Variants in CDKN2B-AS1 observed in about 807,000 individuals in gnomAD.
CDKN2B-AS1 encodes CDKN2B antisense RNA 1 (non-protein coding).
intron 4 of CDKN2B-AS1, among the ~76,000 whole-genome samples, chr9:22,111,742 G>T (rs551770420): frequency 6.6e-6 from 1 of 152,132 alleles, no homozygotes; most frequent in African/African-American, 2.4e-5. Flanking sequence ...AAAGAAATTC[G>T]AAAGTAGATA....
chr9:22,029,613 AC>A (rs1443173244), intron 1 of CDKN2B-AS1: 3 of 679,400 alleles, frequency 4.4e-6, no homozygotes, highest in African/African-American at 3.5e-5. Context: ...TGTTTGGGAA[AC>A]CATCATCTTT....
At chr9:22,109,156 G>A (rs1825737782) in intron 4 of CDKN2B-AS1, among the ~76,000 whole-genome samples, 1 of 152,188 alleles carries the variant, frequency 6.6e-6, no homozygotes, top group African/African-American at 2.4e-5. Context: ...AGGAATGAAA[G>A]TGTTTTGCAG....
intron 1 of CDKN2B-AS1, among the ~76,000 whole-genome samples, chr9:22,045,187 G>A (rs1563943493): frequency 6.6e-6 from 1 of 151,768 alleles, no homozygotes; most frequent in Non-Finnish European, 1.5e-5. Flanking sequence ...TGAGTATCAT[G>A]ATAAGGTAAA....
chr9:22,043,410 A>G (rs1478161323), intron 1 of CDKN2B-AS1, among the ~76,000 whole-genome samples: 1 of 151,894 alleles, frequency 6.6e-6, no homozygotes, highest in East Asian at 1.9e-4. Context: ...ATCAAAATCT[A>G]TTCACACACA....
chr9:22,002,793 C>T (rs957064306), intron 1 of CDKN2B-AS1: 1 of 168,524 alleles, frequency 5.9e-6, no homozygotes, highest in Non-Finnish European at 1.3e-5. Context: ...TAATTTTAAC[C>T]ATTTAAGGCA....
chr9:22,003,734 G>C (rs1162174170), intron 1 of CDKN2B-AS1: 1 of 231,574 alleles, frequency 4.3e-6, no homozygotes, highest in East Asian at 6.1e-5. Flanking sequence ...AAAAATTTGG[G>C]TTTTTATAGG....
Position 22,111,778 on chromosome 9 carries a change from T to C in CDKN2B-AS1, n.439-15325T>C, listed in dbSNP as rs1396107339. Among the ~76,000 whole-genome samples the C allele has an allele frequency of 2.6e-5, 4 of 152,158 alleles. No homozygotes were observed. In the East Asian group the frequency reaches 7.7e-4, roughly 29 times the overall value. On this transcript the variant is annotated intron_variant and non_coding_transcript_variant, in intron 4 of 4. Transcript: ENST00000650946. The stretch of plus-strand genomic sequence containing the variant: ...ATAAGTGAGACAAGCACCCAGTAAA[T>C]GTTTATGATGTGACACTGACAAATT...
At chr9:22,128,006 C>T (rs183880050) in exon 5 of CDKN2B-AS1, among the ~76,000 whole-genome samples, 71 of 152,166 alleles carry the variant, frequency 4.7e-4, no homozygotes, top group African/African-American at 1.5e-3. Context: ...TGTCTCATTC[C>T]GCTCATCTGG....
chr9:22,100,917 T>A (rs1004025590), intron 4 of CDKN2B-AS1, among the ~76,000 whole-genome samples: 2 of 152,180 alleles, frequency 1.3e-5, no homozygotes, highest in Non-Finnish European at 2.9e-5. Flanking sequence ...TCGGACATCT[T>A]TCAAGTGCTT....
intron 4 of CDKN2B-AS1, among the ~76,000 whole-genome samples, chr9:22,077,226 A>G (rs566019358): frequency 6.6e-6 from 1 of 152,254 alleles, no homozygotes; most frequent in East Asian, 1.9e-4. Flanking sequence ...TTTACTTAAT[A>G]TAATTTAAAT....
At chr9:22,034,719 C>G (rs745321108) in intron 1 of CDKN2B-AS1, among the ~76,000 whole-genome samples, 2 of 152,062 alleles carry the variant, frequency 1.3e-5, no homozygotes, top group Non-Finnish European at 1.5e-5. Flanking sequence ...TAGCTTGTTT[C>G]GCTTTTGAGG....
chr9:22,126,574 C>CTT (rs34700018), intron 4 of CDKN2B-AS1, among the ~76,000 whole-genome samples: 4,654 of 104,780 alleles, frequency 0.044, 301 homozygotes, highest in Middle Eastern at 0.06. Context: ...TAAGTGGATT[C>CTT]TTTTTTTTTT....
chr9:22,031,297 C>T (rs1587428989), intron 1 of CDKN2B-AS1, among the ~76,000 whole-genome samples: 1 of 152,150 alleles, frequency 6.6e-6, no homozygotes, highest in South Asian at 2.1e-4. Context: ...AGTCCATATA[C>T]CACCCATAAT....
At chr9:22,110,360 G>A (rs1006177388) in intron 4 of CDKN2B-AS1, among the ~76,000 whole-genome samples, 3 of 152,122 alleles carry the variant, frequency 2.0e-5, no homozygotes, top group Admixed American at 1.3e-4. Flanking sequence ...GATGAGTAAA[G>A]TTTGAAAACC....
intron 1 of CDKN2B-AS1, among the ~76,000 whole-genome samples, chr9:22,031,632 A>C (rs1407700670): frequency 6.6e-6 from 1 of 152,228 alleles, no homozygotes; most frequent in Non-Finnish European, 1.5e-5. Context: ...CAATATGAAA[A>C]AAAATAAAAG....
At position 22,005,909 on chromosome 9, in the gene CDKN2B-AS1, C is replaced by G; in HGVS notation, n.29+10748C>G. On this transcript the variant is annotated intron_variant and non_coding_transcript_variant, in intron 1 of 4. Transcript: ENST00000650946. This position sits in a 1 kb window ranked among gnomAD's most constrained non-coding sequence, Gnocchi z 4.9. ...CTTTCCGCCGCTCCCCGTTGGCAGCCTTCATCGAATTAGGTGGGTGGGGGT... is the reference window on the plus strand; with the variant it reads ...CTTTCCGCCGCTCCCCGTTGGCAGCGTTCATCGAATTAGGTGGGTGGGGGT... 6.4e-7 allele frequency: 1 copy of G among 1,556,292 alleles called. No individual in the cohort carries two copies. The highest frequency in any genetic ancestry group is 8.7e-7 in the Non-Finnish European group (1 of 1,154,590).
intron 4 of CDKN2B-AS1, among the ~76,000 whole-genome samples, chr9:22,087,978 T>A (rs578073543): frequency 6.6e-6 from 1 of 152,342 alleles, no homozygotes; most frequent in Admixed American, 6.5e-5. Context: ...GGGAGTGTTA[T>A]AGAAGTGGTA....
chr9:22,051,300 G>A (rs1214755190), intron 3 of CDKN2B-AS1, among the ~76,000 whole-genome samples: 4 of 152,098 alleles, frequency 2.6e-5, no homozygotes, highest in Non-Finnish European at 5.9e-5. Flanking sequence ...TTTCCAACTA[G>A]TGTGTAGTTT....
At position 22,006,288 on chromosome 9, in the gene CDKN2B-AS1, A is replaced by T. The variant is rs1821185876; in HGVS notation, n.29+11127A>T. ...GAGTGGTCAGAGCCAGGGTGGGGGC[A>T]GGTATGGGAGATGCCGGCCGGGGCA... On this transcript the variant is annotated intron_variant and non_coding_transcript_variant, in intron 1 of 4. Coordinates refer to ENST00000650946, the Ensembl canonical transcript of CDKN2B-AS1. The surrounding 1 kb of genome is among the most constrained non-coding windows in gnomAD (Gnocchi z 6.4). 13 of 1,599,182 alleles carry T rather than the reference A, an allele frequency of 8.1e-6. No homozygotes were observed. The highest frequency in any genetic ancestry group is 1.0e-5 in the Non-Finnish European group (12 of 1,179,672).
Sources: gnomAD v4.1 joint callset for allele counts (sites outside exome capture counted in the v4.1 genomes callset) on GRCh38, gnomAD v4.1.1 for gene constraint, Gnocchi (gnomAD v3.1) non-coding constraint, MANE v1.5 for transcripts, NCBI Gene and HGNC (gene_info 2026-07-23, HGNC 2026-07-21) for gene names.